The following CAMKV variants were observed in gnomAD, a reference collection of about 807,000 sequenced individuals.
The protein encoded by CAMKV is CaM kinase like vesicle associated, also known as caM kinase-like vesicle-associated protein.
In CAMKV, 5 loss-of-function variants were observed where a neutral mutation model predicts 50.2. That is an observed-to-expected ratio of 0.10 (90% confidence interval 0.05 to 0.21). The LOEUF is 0.21. Among genes scored for constraint, CAMKV ranks in the 10% least tolerant of loss-of-function variants. CAMKV has a pLI of 1.00. For missense variants in CAMKV, 361 were observed against 650.5 expected, an observed-to-expected ratio of 0.55 and a Z score of 4.84; for synonymous variants, 229 against 250.1, an observed-to-expected ratio of 0.92 and a Z score of 0.80.
rs1238336675 is a variant in CAMKV, at chr3:49,860,260, T to C, written c.855-2A>G. On this transcript the variant is annotated splice_acceptor_variant, in intron 9 of 10. Coordinates refer to ENST00000477224, the MANE Select transcript of CAMKV (RefSeq NM_024046.5). LOFTEE classifies it high-confidence loss of function. This position sits in a 1 kb window ranked among gnomAD's most constrained non-coding sequence, Gnocchi z 6.1. ...TCAGAAGCAGCATTGCCAGAAATCC[T>C]GGAAAGGGTGCAAGTGTGTCTGGAT... 1 of 1,613,850 alleles carries C rather than the reference T, an allele frequency of 6.2e-7. No individual in the cohort carries two copies. The highest frequency in any genetic ancestry group is 8.5e-7 in the Non-Finnish European group (1 of 1,179,716).
Position 49,860,291 on chromosome 3 carries a change from A to C in CAMKV, c.855-33T>G. On this transcript the variant is annotated intron_variant, in intron 9 of 10. Transcript: ENST00000477224. The surrounding 1 kb of genome is among the most constrained non-coding windows in gnomAD (Gnocchi z 6.1). ...GGGTGCAAGTGTGTCTGGATCTGAG[A>C]GAATGAGCCTTTGTGGAGACTCTGC... 1 of 1,602,938 alleles carries C rather than the reference A, an allele frequency of 6.2e-7. No individual in the cohort carries two copies. Among genetic ancestry groups the C allele is most frequent in the Non-Finnish European group, 8.5e-7 (1 of 1,169,894 alleles).
intron 1 of CAMKV, among the ~76,000 whole-genome samples, chr3:49,866,099 A>ACTCCTC (rs59752228): frequency 5.7e-4 from 86 of 150,598 alleles, no homozygotes; most frequent in East Asian, 2.2e-3. Flanking sequence ...TCAGCCAGTC[A>ACTCCTC]CTCCTCCTCC....
Position 49,859,662 on chromosome 3 carries a change from G to A in CAMKV, c.1162C>T (p.Pro388Ser), listed in dbSNP as rs142041712. ...GGGGTGGCACTTCCATCTGTGGCTG[G>A]GGTGGCACTACGGTCTGCGGGGGCC... ...NVAPADRSAT[P>S]ATDGSATPAT... The change falls in exon 11 of 11, where the codon CCA (proline) becomes TCA (serine). Residue 388 changes from proline to serine, a missense_variant. Pro to Ser is a moderately conservative substitution (Grantham distance 74). Transcript: ENST00000477224. The surrounding 1 kb of genome is among the most constrained non-coding windows in gnomAD (Gnocchi z 5.5). The A allele has an allele frequency of 1.9e-6, 3 of 1,614,044 alleles. No homozygotes were observed. In the Admixed American group the frequency reaches 5.0e-5, roughly 27 times the overall value.
intron 1 of CAMKV, chr3:49,863,272 C>T (rs1047039315): frequency 6.6e-6 from 1 of 152,198 alleles, no homozygotes; most frequent in Non-Finnish European, 1.5e-5. Context: ...GATAATGGTC[C>T]CTTCTAAGAG....
rs1168429114 is a variant in CAMKV, at chr3:49,869,476, CG to C, written c.-15+281del. ...GCTCAGCTCTCGGCCCCTATCCTCA[CG>C]GGGGACCACGAATCTTCGAGGGTTA... is the stretch of plus-strand genomic sequence containing the variant. On this transcript the variant is annotated intron_variant, in intron 1 of 10. Coordinates refer to ENST00000477224, the MANE Select transcript of CAMKV (RefSeq NM_024046.5). This position sits in a 1 kb window ranked among gnomAD's most constrained non-coding sequence, Gnocchi z 5.2. Among the ~76,000 whole-genome samples, 1 of 152,170 alleles carries C rather than the reference CG, an allele frequency of 6.6e-6. No individual in the cohort carries two copies. Among genetic ancestry groups the C allele is most frequent in the African/African-American group, 2.4e-5 (1 of 41,440 alleles).
chr3:49,866,506 C>T (rs1013790702), intron 1 of CAMKV, among the ~76,000 whole-genome samples: 1 of 152,230 alleles, frequency 6.6e-6, no homozygotes, highest in Non-Finnish European at 1.5e-5. Context: ...CCACAACAGC[C>T]ATTTCCCTGG....
chr3:49,859,170 C>A lies in CAMKV; in HGVS notation c.*148G>T. The A allele has an allele frequency of 1.4e-6, 1 of 714,970 alleles. No homozygotes were observed. The highest frequency in any genetic ancestry group is 2.3e-6 in the Non-Finnish European group (1 of 443,154). The allele number at this position is 714,970 out of a possible 1,614,324, so 44.3% of individuals were successfully genotyped here. ...TACACACAGGAGACGAGACTGCTCT[C>A]CCGTGACCCCTAGTTATGCCCCACT... On this transcript the variant is annotated 3_prime_UTR_variant, in exon 11 of 11. Coordinates refer to ENST00000477224, the MANE Select transcript of CAMKV (RefSeq NM_024046.5). The surrounding 1 kb of genome is among the most constrained non-coding windows in gnomAD (Gnocchi z 5.5).
In CAMKV at chr3:49,862,455, A is replaced by C; in HGVS notation, c.-14-53T>G. 6.8e-6 allele frequency: 10 copies of C among 1,474,038 alleles called. No homozygotes were observed. Among genetic ancestry groups the C allele is most frequent in the African/African-American group, 2.8e-5 (2 of 72,356 alleles). The allele number at this position is 1,474,038 out of a possible 1,614,324, so 91.3% of individuals were successfully genotyped here. ...CTGTACTACTCTCCACTTCCCCACA[A>C]CATAGGGGCTGCTTTTGGGAGACCC... On this transcript the variant is annotated intron_variant, in intron 1 of 10. Coordinates refer to ENST00000477224, the MANE Select transcript of CAMKV (RefSeq NM_024046.5). The surrounding 1 kb of genome is among the most constrained non-coding windows in gnomAD (Gnocchi z 5.2).
In CAMKV at chr3:49,862,285, G is replaced by C. The variant is rs751796869; in HGVS notation, c.95+9C>G. ...CCACCCAGCCTTGCCTGACAGGCCCGGCACTCACGTCTTGATGACCTGTCC... is the reference window on the plus strand; with the variant it reads ...CCACCCAGCCTTGCCTGACAGGCCCCGCACTCACGTCTTGATGACCTGTCC... On this transcript the variant is annotated intron_variant, in intron 2 of 10. Transcript: ENST00000477224. The surrounding 1 kb of genome is among the most constrained non-coding windows in gnomAD (Gnocchi z 5.2). 6.2e-6 allele frequency: 10 copies of C among 1,614,132 alleles called. No homozygotes were observed. The Admixed American group carries it at 1.0e-4, about 16-fold the overall frequency.
Position 49,861,115 on chromosome 3 carries a change from C to A in CAMKV, c.562+65G>T. 1 of 1,591,380 alleles carries A rather than the reference C, an allele frequency of 6.3e-7. No homozygotes were observed. The highest frequency in any genetic ancestry group is 8.6e-7 in the Non-Finnish European group (1 of 1,168,114). On this transcript the variant is annotated intron_variant, in intron 6 of 10. Coordinates refer to ENST00000477224, the MANE Select transcript of CAMKV (RefSeq NM_024046.5). This position sits in a 1 kb window ranked among gnomAD's most constrained non-coding sequence, Gnocchi z 7.7. ...CTGAGATGAGCACATTTTCCCCCTG[C>A]CCAGAGCAGCTCCCTGAAGGCTGCC...
Position 49,860,402 on chromosome 3 carries a change from C to A in CAMKV, c.854+69G>T. ...CTAGGTACCTGCACCCCTTCCAGGC[C>A]TCAAAGATGGGGCTGCTGGGTGTGA... On this transcript the variant is annotated intron_variant, in intron 9 of 10. Coordinates refer to ENST00000477224, the MANE Select transcript of CAMKV (RefSeq NM_024046.5). The surrounding 1 kb of genome is among the most constrained non-coding windows in gnomAD (Gnocchi z 6.1). The A allele has an allele frequency of 6.3e-7, 1 of 1,578,412 alleles. No homozygotes were observed. The highest frequency in any genetic ancestry group is 8.7e-7 in the Non-Finnish European group (1 of 1,152,888).
chr3:49,859,709 C>T lies in CAMKV; in HGVS notation c.1115G>A (p.Arg372His), dbSNP rs199584164. 73 of 1,608,038 alleles carry T rather than the reference C, an allele frequency of 4.5e-5. No individual in the cohort carries two copies. The highest frequency in any genetic ancestry group is 5.7e-5 in the Non-Finnish European group (67 of 1,176,652). ...GGCCACATTATCACTCTTTGCAGCA[C>T]GAGCAGCATCACCCTCAGGGGCTGA... is the stretch of plus-strand genomic sequence containing the variant. ...ATSAPEGDAA[R>H]AAKSDNVAPA... The change falls in exon 11 of 11, where the codon CGT (arginine) becomes CAT (histidine). Residue 372 changes from arginine (R) to histidine (H), a missense_variant. Physicochemically the swap from Arg to His is conservative, Grantham distance 29. This residue lies in a region of CAMKV where 87 missense variants were observed against 92.0 expected (regional missense o/e 0.95). Transcript: ENST00000477224. This position sits in a 1 kb window ranked among gnomAD's most constrained non-coding sequence, Gnocchi z 5.5.
At position 49,861,429 on chromosome 3, in the gene CAMKV, C is replaced by T. The variant is rs1403621928; in HGVS notation, c.441+10G>A. ...GCCAACTGGCCCTTTGACTCTGGCT[C>T]TGCCCTCACCTTGAGATTCCTGTGC... is the stretch of plus-strand genomic sequence containing the variant. On this transcript the variant is annotated intron_variant, in intron 5 of 10. Transcript: ENST00000477224. This position sits in a 1 kb window ranked among gnomAD's most constrained non-coding sequence, Gnocchi z 7.7. 1 of 1,614,100 alleles carries T rather than the reference C, an allele frequency of 6.2e-7. No homozygotes were observed. Among genetic ancestry groups the T allele is most frequent in the Middle Eastern group, 1.6e-4 (1 of 6,062 alleles).
chr3:49,860,620 G>C lies in CAMKV; in HGVS notation c.776-71C>G, dbSNP rs1418552116. 6.2e-7 allele frequency: 1 copy of C among 1,610,204 alleles called. No individual in the cohort carries two copies. Among genetic ancestry groups the C allele is most frequent in the Non-Finnish European group, 8.5e-7 (1 of 1,176,812 alleles). On this transcript the variant is annotated intron_variant, in intron 8 of 10. Transcript: ENST00000477224. This position sits in a 1 kb window ranked among gnomAD's most constrained non-coding sequence, Gnocchi z 6.1. ...AATGTCTAGAGGTGATAAATGGGCT[G>C]GGGGACAGAAGCAGAATACCACAGA...
At chr3:49,868,911 A>G (rs1422537871) in intron 1 of CAMKV, among the ~76,000 whole-genome samples, 1 of 152,194 alleles carries the variant, frequency 6.6e-6, no homozygotes, top group Non-Finnish European at 1.5e-5. Context: ...AGGTGCGGAC[A>G]AAAGCAATTT....
Position 49,859,679 on chromosome 3 carries a change from G to C in CAMKV, c.1145C>G (p.Ala382Gly), listed in dbSNP as rs772138978. 19 of 1,613,864 alleles carry C rather than the reference G, an allele frequency of 1.2e-5. No homozygotes were observed. The East Asian group carries it at 3.1e-4, about 26-fold the overall frequency. ...TGTGGCTGGGGTGGCACTACGGTCT[G>C]CGGGGGCCACATTATCACTCTTTGC... ...RAAKSDNVAP[A>G]DRSATPATDG... The change falls in exon 11 of 11, where the codon GCA becomes GGA. Residue 382 changes from alanine (A) to glycine (G), a missense_variant. This residue lies in a region of CAMKV where 87 missense variants were observed against 92.0 expected (regional missense o/e 0.95). Coordinates refer to ENST00000477224, the MANE Select transcript of CAMKV (RefSeq NM_024046.5). This position sits in a 1 kb window ranked among gnomAD's most constrained non-coding sequence, Gnocchi z 5.5.
In CAMKV at chr3:49,861,640, G is replaced by T; in HGVS notation, c.303-63C>A. The T allele has an allele frequency of 6.2e-7, 1 of 1,610,768 alleles. No homozygotes were observed. Reference sequence around the variant, plus strand: ...ATCAGGGGTAGGGCAGGAGCACTTGGGTGAGCTGCCTACGCCAGGCAGCTG... The same window carrying T: ...ATCAGGGGTAGGGCAGGAGCACTTGTGTGAGCTGCCTACGCCAGGCAGCTG... On this transcript the variant is annotated intron_variant, in intron 4 of 10. Coordinates refer to ENST00000477224, the MANE Select transcript of CAMKV (RefSeq NM_024046.5). This position sits in a 1 kb window ranked among gnomAD's most constrained non-coding sequence, Gnocchi z 7.7.
chr3:49,868,764 TG>T (rs1381235821), intron 1 of CAMKV, among the ~76,000 whole-genome samples: 1 of 152,136 alleles, frequency 6.6e-6, no homozygotes, highest in Non-Finnish European at 1.5e-5. Flanking sequence ...AAGGTAGTCC[TG>T]GGGGCTCAAA....
chr3:49,861,781 C>G lies in CAMKV; in HGVS notation c.302+10G>C. ...GCTGGGGAATCTTGGGTCCCCAGAC[C>G]CACACTCACAGCTCCAGGAAGATAA... is the stretch of plus-strand genomic sequence containing the variant. On this transcript the variant is annotated intron_variant, in intron 4 of 10. Coordinates refer to ENST00000477224, the MANE Select transcript of CAMKV (RefSeq NM_024046.5). The surrounding 1 kb of genome is among the most constrained non-coding windows in gnomAD (Gnocchi z 7.7). 1 of 1,613,636 alleles carries G rather than the reference C, an allele frequency of 6.2e-7. No individual in the cohort carries two copies. Among genetic ancestry groups the G allele is most frequent in the Non-Finnish European group, 8.5e-7 (1 of 1,179,768 alleles).
Sources: gnomAD v4.1 joint callset for allele counts (sites outside exome capture counted in the v4.1 genomes callset) on GRCh38, gnomAD v4.1.1 for gene constraint, gnomAD v4.1.1 regional missense constraint, Gnocchi (gnomAD v3.1) non-coding constraint, MANE v1.5 for transcripts, NCBI Gene and HGNC (gene_info 2026-07-23, HGNC 2026-07-21) for gene names.